The following PTDSS2 variants were observed in gnomAD, a reference collection of about 807,000 sequenced individuals.
PTDSS2 encodes the protein PSS-2.
Under a neutral mutation model 64.7 loss-of-function variants are expected in PTDSS2, and 41 were observed. The observed-to-expected ratio is 0.63, with a 90% CI of 0.49 to 0.82. PTDSS2 has a LOEUF of 0.82. Among genes scored for constraint, PTDSS2 ranks in the 40% least tolerant of loss-of-function variants. The pLI, the probability that PTDSS2 is intolerant of heterozygous loss-of-function variation, is 0.00. For synonymous variants in PTDSS2, 297 were observed against 277.8 expected, an observed-to-expected ratio of 1.07 and a Z score of -0.69; for missense variants, 485 against 650.0, an observed-to-expected ratio of 0.75 and a Z score of 2.76.
At chr11:459,552 G>C (rs1846775665) in intron 1 of PTDSS2, 2 of 152,866 alleles carry the variant, frequency 1.3e-5, no homozygotes, top group Admixed American at 1.3e-4. Context: ...CAGTGGCTGG[G>C]GTCTGGTGGC....
chr11:453,786 G>A (rs933561653), intron 1 of PTDSS2, among the ~76,000 whole-genome samples: 2 of 152,170 alleles, frequency 1.3e-5, no homozygotes, highest in African/African-American at 2.4e-5. Context: ...TCTTGGTCTC[G>A]GCCTCCCTGC....
intron 4 of PTDSS2, among the ~76,000 whole-genome samples, chr11:481,226 T>G (rs1471618846): frequency 6.6e-6 from 1 of 152,170 alleles, no homozygotes; most frequent in Non-Finnish European, 1.5e-5. Context: ...CTGGACGGTT[T>G]CGAGGATTGG....
At position 479,051 on chromosome 11, in the gene PTDSS2, G is replaced by C; in HGVS notation, c.368-34G>C. On this transcript the variant is annotated intron_variant, in intron 3 of 11. Transcript: ENST00000308020. This position sits in a 1 kb window ranked among gnomAD's most constrained non-coding sequence, Gnocchi z 4.2. ...GAGCGGGGCCGTGGAGGCCTGGACCGGGCGCACTAACGTTCTGTCGTCTGT... is the reference window on the plus strand; with the variant it reads ...GAGCGGGGCCGTGGAGGCCTGGACCCGGCGCACTAACGTTCTGTCGTCTGT... 1 of 1,597,710 alleles carries C rather than the reference G, an allele frequency of 6.3e-7. No homozygotes were observed. The highest frequency in any genetic ancestry group is 8.6e-7 in the Non-Finnish European group (1 of 1,164,970).
At chr11:478,767 C>G (rs1017930737) in intron 3 of PTDSS2, among the ~76,000 whole-genome samples, 1 of 152,282 alleles carries the variant, frequency 6.6e-6, no homozygotes, top group African/African-American at 2.4e-5. Context: ...AAAACCTACT[C>G]CAAACTTAAC....
intron 2 of PTDSS2, among the ~76,000 whole-genome samples, chr11:471,540 C>A (rs1847430736): frequency 6.6e-6 from 1 of 152,278 alleles, no homozygotes; most frequent in Admixed American, 6.5e-5. Flanking sequence ...ATTCAGGGAG[C>A]ACCGGCCTGG....
Position 490,692 on chromosome 11 carries a change from G to A in PTDSS2, c.*110G>A. 1 of 1,218,296 alleles carries A rather than the reference G, an allele frequency of 8.2e-7. No individual in the cohort carries two copies. 75.5% of individuals were successfully genotyped at this position (1,218,296 alleles called of 1,614,324 possible). ...CCCGGCCTTGCCCTCAAGGTTTTTT[G>A]CTTTTCTCCTGTGCACCTGGCGAGG... On this transcript the variant is annotated 3_prime_UTR_variant, in exon 12 of 12. Coordinates refer to ENST00000308020, the MANE Select transcript of PTDSS2 (RefSeq NM_030783.3).
chr11:488,321 C>T lies in PTDSS2; in HGVS notation c.735+9C>T. 1.9e-6 allele frequency: 3 copies of T among 1,603,478 alleles called. No individual in the cohort carries two copies. Among genetic ancestry groups the T allele is most frequent in the Non-Finnish European group, 2.6e-6 (3 of 1,171,704 alleles). ...AGTGCTGGTGGGATCACGTAGGTGC[C>T]AGCACAGCCCCCGGGGCAGTCGGTG... is the stretch of plus-strand genomic sequence containing the variant. On this transcript the variant is annotated intron_variant, in intron 7 of 11. Transcript: ENST00000308020.
chr11:478,966 G>T, intron 3 of PTDSS2, 119 bp from the exon 4 acceptor site: 1 of 731,168 alleles, frequency 1.4e-6, no homozygotes, highest in Non-Finnish European at 2.4e-6. Context: ...TCTCCCAGGG[G>T]CCTGTGAAGG....
At chr11:455,232 G>A (rs544393146) in intron 1 of PTDSS2, among the ~76,000 whole-genome samples, 22 of 152,270 alleles carry the variant, frequency 1.4e-4, no homozygotes, top group South Asian at 4.2e-4. Context: ...TCTCTTCCAC[G>A]GTTAGCCTCC....
At chr11:457,003 G>A (rs1308983933) in intron 1 of PTDSS2, among the ~76,000 whole-genome samples, 1 of 152,182 alleles carries the variant, frequency 6.6e-6, no homozygotes, top group Non-Finnish European at 1.5e-5. Flanking sequence ...CACTTTGGGA[G>A]GCCAAGGTGG....
rs1482003482 is a variant in PTDSS2 at position 470,600 on chromosome 11, TA to T, written c.285-3294del. Among the ~76,000 whole-genome samples, 1 of 152,206 alleles carries T rather than the reference TA, an allele frequency of 6.6e-6. No homozygotes were observed. The highest frequency in any genetic ancestry group is 2.4e-5 in the African/African-American group (1 of 41,444). ...TTTATTTTTTATGTTTATTTTATTT[TA>T]TTTTTTGAGACAGAGTATCACTGTG... On this transcript the variant is annotated intron_variant, in intron 2 of 11. Transcript: ENST00000308020. The surrounding 1 kb of genome is among the most constrained non-coding windows in gnomAD (Gnocchi z 5.3).
chr11:471,705 TGGCCTGGGGTGACGTGGATGGC>T (rs1847450401), intron 2 of PTDSS2, among the ~76,000 whole-genome samples: 1 of 128,774 alleles, frequency 7.8e-6, no homozygotes, highest in African/African-American at 3.0e-5. Context: ...GGGCGGATGG[TGGCCTGGGGTGACGTGGATGGC>T]GGCCTGGGGT....
In PTDSS2 at chr11:488,155, G is replaced by C. The variant is rs371126271; in HGVS notation, c.622-44G>C. 4 of 1,445,820 alleles carry C rather than the reference G, an allele frequency of 2.8e-6. No individual in the cohort carries two copies. In the African/African-American group the frequency reaches 5.6e-5, roughly 20 times the overall value. The allele number at this position is 1,445,820 out of a possible 1,614,324, so 89.6% of individuals were successfully genotyped here. ...TGCACGCACCCGTGGGCAGGGCCGG[G>C]TGTGGCCGGCGTCCCATACTCTGGC... is the stretch of plus-strand genomic sequence containing the variant. On this transcript the variant is annotated intron_variant, in intron 6 of 11. Coordinates refer to ENST00000308020, the MANE Select transcript of PTDSS2 (RefSeq NM_030783.3).
intron 1 of PTDSS2, among the ~76,000 whole-genome samples, chr11:457,749 G>T (rs1846665471): frequency 6.6e-6 from 1 of 152,172 alleles, no homozygotes; most frequent in African/African-American, 2.4e-5. Flanking sequence ...CCACGTTTGG[G>T]AGTGTGTCTT....
At position 475,399 on chromosome 11, in the gene PTDSS2, G is replaced by A. The variant is rs211520; in HGVS notation, c.367+1422G>A. On this transcript the variant is annotated intron_variant, in intron 3 of 11. Coordinates refer to ENST00000308020, the MANE Select transcript of PTDSS2 (RefSeq NM_030783.3). ...TGTATGGACATATTCACGCGTTTGTGATACAGACATATTCACGCATTTGTG... is the reference window on the plus strand; with the variant it reads ...TGTATGGACATATTCACGCGTTTGTAATACAGACATATTCACGCATTTGTG... Among the ~76,000 whole-genome samples, 911 of 147,720 alleles carry A rather than the reference G, an allele frequency of 6.2e-3. 10 individuals carry two copies. Among genetic ancestry groups the A allele is most frequent in the African/African-American group, 0.022 (880 of 39,736 alleles).
chr11:459,917 G>C, intron 1 of PTDSS2: 1 of 468,562 alleles, frequency 2.1e-6, no homozygotes, highest in South Asian at 2.7e-5. Flanking sequence ...GGCAGCATGT[G>C]CCCTCTGAGC....
chr11:474,911 G>GA (rs1225492851), intron 3 of PTDSS2, among the ~76,000 whole-genome samples: 1 of 141,064 alleles, frequency 7.1e-6, no homozygotes, highest in African/African-American at 2.8e-5. Flanking sequence ...ACACGTTCGT[G>GA]TACGGACATA....
intron 2 of PTDSS2, among the ~76,000 whole-genome samples, chr11:472,537 C>A (rs1420758576): frequency 6.6e-6 from 1 of 152,154 alleles, no homozygotes; most frequent in Non-Finnish European, 1.5e-5. Flanking sequence ...GAGGGTGAGA[C>A]CCTCAGGGCT....
intron 1 of PTDSS2, among the ~76,000 whole-genome samples, chr11:452,977 C>G (rs925231709): frequency 2.6e-5 from 4 of 151,958 alleles, no homozygotes; most frequent in African/African-American, 9.7e-5. Context: ...GTGATCCTTC[C>G]GCCTCAGCCT....
Sources: gnomAD v4.1 joint callset for allele counts (sites outside exome capture counted in the v4.1 genomes callset) on GRCh38, gnomAD v4.1.1 for gene constraint, Gnocchi (gnomAD v3.1) non-coding constraint, MANE v1.5 for transcripts, NCBI Gene and HGNC (gene_info 2026-07-23, HGNC 2026-07-21) for gene names.